Variants in GPRC5A observed in about 807,000 individuals in gnomAD.
GPRC5A encodes retinoic acid-induced protein 3.
A neutral mutation model predicts 22.5 loss-of-function variants in GPRC5A; 19 were observed. The ratio of observed to expected loss-of-function variants is 0.85; its 90% CI spans 0.59 to 1.24. GPRC5A has a LOEUF of 1.24. Ranked by LOEUF, GPRC5A falls within the 50% of genes most tolerant of loss-of-function variation. The pLI, the probability that GPRC5A is intolerant of heterozygous loss-of-function variation, is 0.00. For missense variants in GPRC5A, 471 were observed against 451.1 expected (o/e 1.04, Z -0.40); for synonymous variants, 192 against 184.5 (o/e 1.04, Z -0.33).
Position 12,917,634 on chromosome 12 carries a change from C to T in GPRC5A, c.*5095C>T, listed in dbSNP as rs1405054350. The T allele has an allele frequency of 6.6e-6, 1 of 152,238 alleles. No individual in the cohort carries two copies. The highest frequency in any genetic ancestry group is 1.5e-5 in the Non-Finnish European group (1 of 68,080). 9.4% of individuals were successfully genotyped at this position (152,238 alleles called of 1,614,324 possible). On this transcript the variant is annotated 3_prime_UTR_variant, in exon 4 of 4. Transcript: ENST00000014914. ...ATTTCTCCTCTGGTCATCTCCTCTC[C>T]CTTCTGCGTGTAAGCCATGGGAAAG...
chr12:12,913,799 A>C lies in GPRC5A; in HGVS notation c.*1260A>C, dbSNP rs1029902659. The C allele has an allele frequency of 6.6e-6, 1 of 152,166 alleles. No individual in the cohort carries two copies. Among genetic ancestry groups the C allele is most frequent in the Non-Finnish European group, 1.5e-5 (1 of 68,034 alleles). 9.4% of individuals were successfully genotyped at this position (152,166 alleles called of 1,614,324 possible). A position where few individuals can be genotyped will look rare whatever the true frequency, so the allele number is the denominator to read the frequency against. ...GTGTCTCTCCCGTTCCCTCTAAAAC[A>C]AGTGTGTTTCCCCTCATTTTTGAGG... On this transcript the variant is annotated 3_prime_UTR_variant, in exon 4 of 4. Coordinates refer to ENST00000014914, the MANE Select transcript of GPRC5A (RefSeq NM_003979.4).
intron 2 of GPRC5A, among the ~76,000 whole-genome samples, chr12:12,911,215 G>A (rs1864000510): frequency 1.3e-5 from 2 of 152,068 alleles, no homozygotes; most frequent in Non-Finnish European, 2.9e-5. Context: ...TCAGCAAATT[G>A]GGCCCATAAA....
In GPRC5A at chr12:12,914,574, T is replaced by TTC. The variant is rs1281231288; in HGVS notation, c.*2037_*2038dup. ...CTTCTTTCTTTCTTTCTTTCTTTCT[T>TTC]TCTTTCTTTCTTTCTTTCTTTCTCT... is the stretch of plus-strand genomic sequence containing the variant. On this transcript the variant is annotated 3_prime_UTR_variant, in exon 4 of 4. Transcript: ENST00000014914. 2 of 82,178 alleles carry TTC rather than the reference T, an allele frequency of 2.4e-5. No homozygotes were observed. The highest frequency in any genetic ancestry group is 1.5e-4 in the African/African-American group (2 of 13,160). The allele number at this position is 82,178 out of a possible 1,614,324, so 5.1% of individuals were successfully genotyped here.
rs1864014740 is a variant in GPRC5A at position 12,912,454 on chromosome 12, C to G, written c.989C>G (p.Pro330Arg). Reference protein sequence around the residue: ...YSTHFQLQNQPPQKEFSIPRA... With the variant: ...YSTHFQLQNQRPQKEFSIPRA... ...TGACTGTTTCCTTTTCAGAACCAGC[C>G]TCCCCAAAAGGAATTCTCCATCCCA... Residue 330 changes from proline (P) to arginine (R), a missense_variant, in exon 4 of 4, where the codon CCT (proline) becomes CGT (arginine). Coordinates refer to ENST00000014914, the MANE Select transcript of GPRC5A (RefSeq NM_003979.4). The G allele has an allele frequency of 1.2e-5, 19 of 1,607,292 alleles. No individual in the cohort carries two copies. Among genetic ancestry groups the G allele is most frequent in the Non-Finnish European group, 1.5e-5 (18 of 1,173,688 alleles).
Position 12,912,087 on chromosome 12 carries a change from T to G in GPRC5A, c.926T>G (p.Phe309Cys). 1 of 1,612,196 alleles carries G rather than the reference T, an allele frequency of 6.2e-7. No individual in the cohort carries two copies. The highest frequency in any genetic ancestry group is 1.1e-5 in the South Asian group (1 of 91,012). The change falls in exon 3 of 4, where the codon TTT becomes TGT. Residue 309 changes from phenylalanine (F) to cysteine (C), a missense_variant. Physicochemically the swap from Phe to Cys is radical, Grantham distance 205 (BLOSUM62 -2). Coordinates refer to ENST00000014914, the MANE Select transcript of GPRC5A (RefSeq NM_003979.4). Reference sequence around the variant, plus strand: ...TTCTCCTGTTCCTCCATTTCAGGTTTTGAAGAGACAGGGGACACGCTCTAT... The same window carrying G: ...TTCTCCTGTTCCTCCATTTCAGGTTGTGAAGAGACAGGGGACACGCTCTAT... ...AYSQEEITQG[F>C]EETGDTLYAP...
Position 12,912,443 on chromosome 12 carries a change from T to C in GPRC5A, c.982-4T>C. On this transcript the variant is annotated splice_region_variant and splice_polypyrimidine_tract_variant and intron_variant, in intron 3 of 3. Coordinates refer to ENST00000014914, the MANE Select transcript of GPRC5A (RefSeq NM_003979.4). ...GTTTCACGATATGACTGTTTCCTTT[T>C]CAGAACCAGCCTCCCCAAAAGGAAT... The C allele has an allele frequency of 6.2e-7, 1 of 1,600,030 alleles. No individual in the cohort carries two copies. Among genetic ancestry groups the C allele is most frequent in the Non-Finnish European group, 8.6e-7 (1 of 1,167,146 alleles).
chr12:12,915,756 C>T lies in GPRC5A; in HGVS notation c.*3217C>T. On this transcript the variant is annotated 3_prime_UTR_variant, in exon 4 of 4. Transcript: ENST00000014914. ...CCACCTACCTTGGCCTCTGAAAGTG[C>T]TGGGATACCGTGGCCTCTGAAAGTG... is the stretch of plus-strand genomic sequence containing the variant. 4.8e-6 allele frequency: 2 copies of T among 413,816 alleles called. No individual in the cohort carries two copies. Among genetic ancestry groups the T allele is most frequent in the South Asian group, 1.8e-5 (1 of 55,500 alleles). 25.6% of individuals were successfully genotyped at this position (413,816 alleles called of 1,614,324 possible).
At position 12,914,269 on chromosome 12, in the gene GPRC5A, GA is replaced by G. The variant is rs1441373017; in HGVS notation, c.*1731del. 2 of 153,126 alleles carry G rather than the reference GA, an allele frequency of 1.3e-5. No individual in the cohort carries two copies. Among genetic ancestry groups the G allele is most frequent in the Middle Eastern group, 3.1e-3 (1 of 320 alleles). 9.5% of individuals were successfully genotyped at this position (153,126 alleles called of 1,614,324 possible). ...GCGTGAGGCAGAGGCGAGGGAGGTGGAGGTGAGTGGATGATGTGCTGAGTTA... is the reference window on the plus strand; with the variant it reads ...GCGTGAGGCAGAGGCGAGGGAGGTGGGGTGAGTGGATGATGTGCTGAGTTA... On this transcript the variant is annotated 3_prime_UTR_variant, in exon 4 of 4. Coordinates refer to ENST00000014914, the MANE Select transcript of GPRC5A (RefSeq NM_003979.4).
At chr12:12,895,886 G>T in intron 1 of GPRC5A, among the ~76,000 whole-genome samples, 1 of 147,348 alleles carries the variant, frequency 6.8e-6, no homozygotes, top group African/African-American at 2.5e-5. Context: ...CCAGCTACTC[G>T]GGAGGCTGAG....
intron 1 of GPRC5A, among the ~76,000 whole-genome samples, chr12:12,905,031 C>T (rs942253916): frequency 2.0e-5 from 3 of 151,834 alleles, no homozygotes; most frequent in Admixed American, 6.6e-5. Flanking sequence ...ATTACAGGTG[C>T]GTGCCACTAT....
rs372787081 is a variant in GPRC5A, at chr12:12,897,867, C to T, written c.-8+6203C>T. Among the ~76,000 whole-genome samples, 4 of 152,032 alleles carry T rather than the reference C, an allele frequency of 2.6e-5. No individual in the cohort carries two copies. In the East Asian group the frequency reaches 5.8e-4, roughly 22 times the overall value. ...TCAGGTGATCTACCCGCCTCGGCCT[C>T]CCAAAGTTCTGGGCTCACAGGTGTG... On this transcript the variant is annotated intron_variant, in intron 1 of 3. Coordinates refer to ENST00000014914, the MANE Select transcript of GPRC5A (RefSeq NM_003979.4).
At chr12:12,910,518 C>A (rs567870627) in intron 2 of GPRC5A, among the ~76,000 whole-genome samples, 46 of 152,294 alleles carry the variant, frequency 3.0e-4, no homozygotes, top group Middle Eastern at 3.4e-3. Context: ...CACCCCATCC[C>A]ATCAAATCCT....
At chr12:12,900,519 C>T (rs1863870472) in intron 1 of GPRC5A, among the ~76,000 whole-genome samples, 1 of 152,164 alleles carries the variant, frequency 6.6e-6, no homozygotes, top group Admixed American at 6.5e-5. Flanking sequence ...CAAGAAATGA[C>T]TTCGCCCTCC....
At chr12:12,892,461 G>A (rs1395543234) in intron 1 of GPRC5A, among the ~76,000 whole-genome samples, 1 of 152,116 alleles carries the variant, frequency 6.6e-6, no homozygotes, top group East Asian at 1.9e-4. Context: ...TCCACCTCCC[G>A]GGTTCAAGCG....
In GPRC5A at chr12:12,910,582, C is replaced by T. The variant is rs114358563; in HGVS notation, c.922+1411C>T. Among the ~76,000 whole-genome samples, 1,399 of 152,280 alleles carry T rather than the reference C, an allele frequency of 9.2e-3. 23 individuals carry two copies. The highest frequency in any genetic ancestry group is 0.031 in the African/African-American group (1,306 of 41,556). The stretch of plus-strand genomic sequence containing the variant: ...CAACCTCTGAAGCTTTGCTCGCAGT[C>T]CAGATGAACCAAGTCGCTGTGCTTT... On this transcript the variant is annotated intron_variant, in intron 2 of 3. Transcript: ENST00000014914.
Position 12,917,212 on chromosome 12 carries a change from C to CTGTGTGTGTGTGTGTGTGTG in GPRC5A, c.*4694_*4713dup, listed in dbSNP as rs59601728. On this transcript the variant is annotated 3_prime_UTR_variant, in exon 4 of 4. Coordinates refer to ENST00000014914, the MANE Select transcript of GPRC5A (RefSeq NM_003979.4). ...GGATGTTCCAAGGATGCTGCTGGAT[C>CTGTGTGTGTGTGTGTGTGTG]TGTGTGTGTGTGTGTGTGTGTGTGT... The CTGTGTGTGTGTGTGTGTGTG allele has an allele frequency of 1.0e-4, 14 of 139,120 alleles. No individual in the cohort carries two copies. Among genetic ancestry groups the CTGTGTGTGTGTGTGTGTGTG allele is most frequent in the Admixed American group, 1.5e-4 (2 of 13,660 alleles). 8.6% of individuals were successfully genotyped at this position (139,120 alleles called of 1,614,324 possible). A position where few individuals can be genotyped will look rare whatever the true frequency, so the allele number is the denominator to read the frequency against.
At chr12:12,892,442 A>G (rs2136453568) in intron 1 of GPRC5A, among the ~76,000 whole-genome samples, 1 of 152,188 alleles carries the variant, frequency 6.6e-6, no homozygotes, top group East Asian at 1.9e-4. Context: ...ATCTCAGCTC[A>G]CCGCGACCTC....
intron 2 of GPRC5A, among the ~76,000 whole-genome samples, chr12:12,910,712 ATC>A (rs1406758922): frequency 6.6e-6 from 1 of 152,016 alleles, no homozygotes; most frequent in Non-Finnish European, 1.5e-5. Flanking sequence ...TCCCCTGGTA[ATC>A]ACTCCACCCT....
rs76634522 is a variant in GPRC5A, at chr12:12,908,619, C to T, written c.370C>T (p.Arg124Trp). The change falls in exon 2 of 4, where the codon CGG becomes TGG. Residue 124 changes from arginine to tryptophan, a missense_variant. Arg to Trp is a moderately radical substitution (Grantham distance 101). Coordinates refer to ENST00000014914, the MANE Select transcript of GPRC5A (RefSeq NM_003979.4). ...TGCTGTCAGTCTGACCAAGCTCGTC[C>T]GGGGGAGGAAGCCCCTTTCCCTGTT... ...AHAVSLTKLV[R>W]GRKPLSLLVI... The T allele has an allele frequency of 9.0e-4, 1,457 of 1,613,916 alleles. 21 individuals carry two copies. In the East Asian group the frequency reaches 0.025, roughly 28 times the overall value.
Sources: allele counts gnomAD v4.1 joint callset (sites outside exome capture counted in the v4.1 genomes callset), GRCh38; gene constraint gnomAD v4.1.1; transcripts MANE v1.5; gene names NCBI Gene and HGNC (gene_info 2026-07-23, HGNC 2026-07-21).